Variants in PTPRD observed in about 807,000 individuals in gnomAD.
The protein encoded by PTPRD is protein tyrosine phosphatase receptor type D.
A neutral mutation model predicts 214.5 loss-of-function variants in PTPRD; 34 were observed. That is an observed-to-expected ratio of 0.16 (90% CI 0.12 to 0.21). The LOEUF is 0.21. Ranked by LOEUF, PTPRD falls within the 10% of genes least tolerant of loss-of-function variation. PTPRD has a pLI of 1.00. For missense variants in PTPRD, 2,545 were observed against 2,398.7 expected, an observed-to-expected ratio of 1.06 and a Z score of -1.27; for synonymous variants, 1,128 against 845.7, an observed-to-expected ratio of 1.33 and a Z score of -5.79.
intron 3 of PTPRD, among the ~76,000 whole-genome samples, chr9:10,152,222 G>A (rs1197896157): frequency 6.6e-6 from 1 of 152,136 alleles, no homozygotes; most frequent in African/African-American, 2.4e-5. Context: ...AGTCGTTCTA[G>A]TAACTATGTG....
chr9:9,650,129 A>C (rs1178855141), intron 7 of PTPRD, among the ~76,000 whole-genome samples: 1 of 152,118 alleles, frequency 6.6e-6, no homozygotes, highest in African/African-American at 2.4e-5. Context: ...TCTCACAACA[A>C]TGAGATCTGA....
chr9:10,060,908 CTTT>C (rs1567408804), intron 3 of PTPRD, among the ~76,000 whole-genome samples: 2 of 95,316 alleles, frequency 2.1e-5, no homozygotes, highest in Middle Eastern at 4.6e-3. Context: ...TTCTTTCTTT[CTTT>C]CTTTCTTTCT....
chr9:9,289,258 C>T (rs1950422988), intron 9 of PTPRD, among the ~76,000 whole-genome samples: 2 of 151,822 alleles, frequency 1.3e-5, no homozygotes, highest in Admixed American at 6.6e-5. Context: ...GATACATGTG[C>T]ATGCTAAAGA....
intron 7 of PTPRD, among the ~76,000 whole-genome samples, chr9:9,617,514 C>T (rs1332074867): frequency 6.6e-6 from 1 of 152,054 alleles, no homozygotes; most frequent in Admixed American, 6.5e-5. Flanking sequence ...GAAAGGTTGA[C>T]AAATGTGTGT....
intron 2 of PTPRD, among the ~76,000 whole-genome samples, chr9:10,377,747 G>A (rs921473512): frequency 6.6e-6 from 1 of 151,918 alleles, no homozygotes; most frequent in African/African-American, 2.4e-5. Context: ...TTATACTGTT[G>A]GTGGGACTGT....
chr9:9,943,231 C>T (rs1218082058), intron 4 of PTPRD, among the ~76,000 whole-genome samples: 1 of 152,132 alleles, frequency 6.6e-6, no homozygotes, highest in Admixed American at 6.6e-5. Flanking sequence ...CATCTCCTTC[C>T]TAGTTGTTAC....
At chr9:9,558,042 C>G (rs1042024638) in intron 8 of PTPRD, among the ~76,000 whole-genome samples, 1 of 152,202 alleles carries the variant, frequency 6.6e-6, no homozygotes, top group Non-Finnish European at 1.5e-5. Context: ...AGCAGCTTAA[C>G]TCTTTCTTTC....
chr9:8,822,192 C>T (rs1163171366), intron 11 of PTPRD, among the ~76,000 whole-genome samples: 1 of 152,100 alleles, frequency 6.6e-6, no homozygotes, highest in Non-Finnish European at 1.5e-5. Flanking sequence ...TACTCTGTAC[C>T]AAGTTGAGTC....
chr9:8,358,361 G>A (rs1470303245), intron 39 of PTPRD, among the ~76,000 whole-genome samples: 3 of 151,886 alleles, frequency 2.0e-5, no homozygotes, highest in African/African-American at 4.8e-5. Flanking sequence ...TGATGATACT[G>A]ACTATTTTGT....
At chr9:9,859,778 C>G (rs567498969) in intron 5 of PTPRD, among the ~76,000 whole-genome samples, 2 of 152,272 alleles carry the variant, frequency 1.3e-5, no homozygotes, top group East Asian at 3.9e-4. Context: ...AATACGGTAT[C>G]CTTACCAAAG....
chr9:8,527,255 T>C, intron 16 of PTPRD, 90 bp downstream of exon 16: 1 of 1,386,158 alleles, frequency 7.2e-7, no homozygotes, highest in Non-Finnish European at 1.0e-6. Context: ...GTTAGTAAAA[T>C]GCATGCCATG....
chr9:8,535,767 TG>T (rs2076782124), intron 14 of PTPRD, among the ~76,000 whole-genome samples: 1 of 151,900 alleles, frequency 6.6e-6, no homozygotes, highest in Non-Finnish European at 1.5e-5. Flanking sequence ...AATAACTGTT[TG>T]GGGAAAATGA....
intron 10 of PTPRD, among the ~76,000 whole-genome samples, chr9:9,138,015 T>C (rs1322094943): frequency 6.6e-6 from 1 of 152,092 alleles, no homozygotes; most frequent in Non-Finnish European, 1.5e-5. Flanking sequence ...TTGTTGAAAA[T>C]GATAAAGATG....
intron 12 of PTPRD, among the ~76,000 whole-genome samples, chr9:8,637,501 C>A (rs1262485210): frequency 6.6e-6 from 1 of 152,118 alleles, no homozygotes; most frequent in Admixed American, 6.5e-5. Context: ...ATTTTTTATA[C>A]AAAGATGTAG....
At chr9:9,876,193 G>C (rs927828700) in intron 5 of PTPRD, among the ~76,000 whole-genome samples, 1 of 152,060 alleles carries the variant, frequency 6.6e-6, no homozygotes, top group African/African-American at 2.4e-5. Context: ...GATAGAGTTA[G>C]ATTTCACATT....
intron 9 of PTPRD, among the ~76,000 whole-genome samples, chr9:9,244,885 C>G (rs956832691): frequency 6.6e-6 from 1 of 152,162 alleles, no homozygotes; most frequent in Non-Finnish European, 1.5e-5. Flanking sequence ...GCAATCTACT[C>G]ATCTGACAAA....
intron 3 of PTPRD, among the ~76,000 whole-genome samples, chr9:10,197,414 T>C (rs1368694155): frequency 6.6e-6 from 1 of 152,150 alleles, no homozygotes; most frequent in Non-Finnish European, 1.5e-5. Flanking sequence ...TAGAATTGCT[T>C]TCCTTTCTCT....
chr9:10,466,016 G>C lies in PTPRD; in HGVS notation c.-599-124999C>G, dbSNP rs562124974. Among the ~76,000 whole-genome samples, 4 of 152,150 alleles carry C rather than the reference G, an allele frequency of 2.6e-5. 1 individual carries two copies. Among genetic ancestry groups the C allele is most frequent in the East Asian group, 1.9e-4 (1 of 5,186 alleles). On this transcript the variant is annotated intron_variant, in intron 2 of 45. Coordinates refer to ENST00000381196, the MANE Select transcript of PTPRD (RefSeq NM_002839.4). ...GATTACCGATTGAAAAACTTATGTGGAGAAATGAATGAGCGAAACTAAAAA... is the reference window on the plus strand; with the variant it reads ...GATTACCGATTGAAAAACTTATGTGCAGAAATGAATGAGCGAAACTAAAAA...
chr9:9,704,461 A>G (rs890842559), intron 7 of PTPRD, among the ~76,000 whole-genome samples: 2 of 152,154 alleles, frequency 1.3e-5, no homozygotes, highest in East Asian at 3.8e-4. Context: ...GTCATTCCCC[A>G]TGTATGGTGG....
Sources: gnomAD v4.1 joint callset for allele counts (sites outside exome capture counted in the v4.1 genomes callset) on GRCh38, gnomAD v4.1.1 for gene constraint, MANE v1.5 for transcripts, NCBI Gene and HGNC (gene_info 2026-07-23, HGNC 2026-07-21) for gene names.